The following VSTM2B variants were observed in gnomAD, a reference collection of about 807,000 sequenced individuals.
VSTM2B encodes V-set and transmembrane domain containing 2B, also known as V-set and transmembrane domain-containing protein 2B.
In VSTM2B, 24 loss-of-function variants were observed where a neutral mutation model predicts 24.0. That is an observed-to-expected ratio of 1.00 (90% CI 0.72 to 1.40). The LOEUF (loss-of-function observed/expected upper bound fraction) is 1.40. Ranked by LOEUF, VSTM2B falls within the 40% of genes most tolerant of loss-of-function variation. The pLI, the probability that VSTM2B is intolerant of heterozygous loss-of-function variation, is 0.00. For synonymous variants in VSTM2B, 226 were observed against 194.4 expected (o/e 1.16, Z -1.35); for missense variants, 399 against 416.4 (o/e 0.96, Z 0.36).
intron 4 of VSTM2B, among the ~76,000 whole-genome samples, chr19:29,545,590 G>A (rs1268711260): frequency 1.3e-5 from 2 of 152,306 alleles, no homozygotes; most frequent in East Asian, 3.9e-4. Flanking sequence ...GCCAGCCTGG[G>A]CGACAAGAGT....
At chr19:29,537,231 G>A (rs2145478430) in intron 4 of VSTM2B, among the ~76,000 whole-genome samples, 1 of 152,248 alleles carries the variant, frequency 6.6e-6, no homozygotes. Context: ...GTGCTTCTAG[G>A]GAAATTAGCC....
chr19:29,559,380 A>G (rs536632986), intron 4 of VSTM2B, among the ~76,000 whole-genome samples: 1 of 152,196 alleles, frequency 6.6e-6, no homozygotes, highest in Non-Finnish European at 1.5e-5. Flanking sequence ...CAAACACCAC[A>G]TGTTGTCATT....
At chr19:29,559,006 T>G (rs958361186) in intron 4 of VSTM2B, among the ~76,000 whole-genome samples, 2 of 152,248 alleles carry the variant, frequency 1.3e-5, no homozygotes, top group Non-Finnish European at 1.5e-5. Flanking sequence ...ACTTTTACAC[T>G]GTTGGTGGGA....
In VSTM2B at chr19:29,526,487, C is replaced by G. The variant is rs1969569623; in HGVS notation, c.-97C>G. On this transcript the variant is annotated 5_prime_UTR_variant, in exon 1 of 5. Coordinates refer to ENST00000335523, the MANE Select transcript of VSTM2B (RefSeq NM_001146339.2). The surrounding 1 kb of genome is among the most constrained non-coding windows in gnomAD (Gnocchi z 4.1). ...GCGCCGCGCGGGGCCATGGCAGGCT[C>G]GGAGGCGTCCTAGCCCGAGCCGGAG... 1 of 859,018 alleles carries G rather than the reference C, an allele frequency of 1.2e-6. No individual in the cohort carries two copies. The highest frequency in any genetic ancestry group is 1.6e-6 in the Non-Finnish European group (1 of 639,018). 53.2% of individuals were successfully genotyped at this position (859,018 alleles called of 1,614,324 possible).
In VSTM2B at chr19:29,529,821, C is replaced by T. The variant is rs773973987; in HGVS notation, c.300C>T (p.Thr100=). 6 of 1,549,022 alleles carry T rather than the reference C, an allele frequency of 3.9e-6. No individual in the cohort carries two copies. In the Admixed American group the frequency reaches 5.9e-5, roughly 15 times the overall value. Residue 100 remains threonine, a splice_region_variant and synonymous_variant, in exon 4 of 5, where the codon ACC becomes ACT. Transcript: ENST00000335523. Reference sequence around the variant, plus strand: ...CCTCTAACCCTGCTCTCTTGCAGACCGTACGCGTCCAGGGCAATGACATCT... The same window carrying T: ...CCTCTAACCCTGCTCTCTTGCAGACTGTACGCGTCCAGGGCAATGACATCT... ...VTNKDATKIS[T]VRVQGNDISH...
intron 4 of VSTM2B, among the ~76,000 whole-genome samples, chr19:29,532,694 T>C (rs1352750191): frequency 6.6e-6 from 1 of 152,230 alleles, no homozygotes; most frequent in Non-Finnish European, 1.5e-5. Flanking sequence ...CAGAGGGAGC[T>C]TGGTATGGAA....
intron 4 of VSTM2B, among the ~76,000 whole-genome samples, chr19:29,548,432 C>T (rs1441265729): frequency 6.6e-6 from 1 of 152,180 alleles, no homozygotes; most frequent in Admixed American, 6.5e-5. Flanking sequence ...CTTGCTTCTG[C>T]CCCAGTTACA....
intron 4 of VSTM2B, among the ~76,000 whole-genome samples, chr19:29,539,396 G>C (rs1317507045): frequency 6.6e-6 from 1 of 152,134 alleles, no homozygotes; most frequent in Non-Finnish European, 1.5e-5. Context: ...CTGGACAGCT[G>C]TGTCTCCAGG....
At position 29,554,693 on chromosome 19, in the gene VSTM2B, C is replaced by T. The variant is rs118185949; in HGVS notation, c.770-9153C>T. ...AGACCCACTTACATGCGAAGACACA[C>T]ATAAGCTCAAAATAAAGGGATAGAG... On this transcript the variant is annotated intron_variant, in intron 4 of 4. Coordinates refer to ENST00000335523, the MANE Select transcript of VSTM2B (RefSeq NM_001146339.2). 2.6e-4 allele frequency among the ~76,000 whole-genome samples: 40 copies of T among 152,284 alleles called. No individual in the cohort carries two copies. The East Asian group carries it at 7.3e-3, about 28-fold the overall frequency.
chr19:29,550,097 G>A (rs1568445090), intron 4 of VSTM2B, among the ~76,000 whole-genome samples: 1 of 152,220 alleles, frequency 6.6e-6, no homozygotes, highest in Non-Finnish European at 1.5e-5. Flanking sequence ...CCCTCAGCTT[G>A]GCTCTCTAAC....
rs1207679377 is a variant in VSTM2B at position 29,527,226 on chromosome 19, T to C, written c.98T>C (p.Val33Ala). ...CCACCCCCAGCTGCATTCACAGAAG[T>C]CCCCAAAGATGTGACAGTACGGGAG... is the stretch of plus-strand genomic sequence containing the variant. ...LFVADAAFTE[V>A]PKDVTVREGD... The change falls in exon 2 of 5, where the codon GTC becomes GCC. Residue 33 changes from valine (V) to alanine (A), a missense_variant. By Grantham distance (64) the Val-to-Ala change is moderately conservative (BLOSUM62 0). Transcript: ENST00000335523. 37 of 1,548,536 alleles carry C rather than the reference T, an allele frequency of 2.4e-5. No homozygotes were observed. The highest frequency in any genetic ancestry group is 3.2e-5 in the Non-Finnish European group (37 of 1,146,000).
At chr19:29,553,576 A>T (rs1345707529) in intron 4 of VSTM2B, among the ~76,000 whole-genome samples, 1 of 152,196 alleles carries the variant, frequency 6.6e-6, no homozygotes, top group Non-Finnish European at 1.5e-5. Flanking sequence ...CATCTCTCCA[A>T]CAAGAGCACA....
chr19:29,554,093 G>T (rs940697541), intron 4 of VSTM2B, among the ~76,000 whole-genome samples: 1 of 152,086 alleles, frequency 6.6e-6, no homozygotes, highest in African/African-American at 2.4e-5. Context: ...GATACTCCAT[G>T]AGAAGATCAA....
At chr19:29,562,877 G>A (rs938030104) in intron 4 of VSTM2B, among the ~76,000 whole-genome samples, 12 of 152,136 alleles carry the variant, frequency 7.9e-5, no homozygotes, top group Admixed American at 6.5e-4. Flanking sequence ...CAGGCCAGGG[G>A]CCAGGTTATG....
At chr19:29,532,008 A>G (rs1327669911) in intron 4 of VSTM2B, among the ~76,000 whole-genome samples, 3 of 152,194 alleles carry the variant, frequency 2.0e-5, no homozygotes, top group Non-Finnish European at 4.4e-5. Context: ...TTGTCAGCTC[A>G]CTGCCCTAAG....
At chr19:29,559,071 A>G (rs1294025321) in intron 4 of VSTM2B, among the ~76,000 whole-genome samples, 1 of 152,196 alleles carries the variant, frequency 6.6e-6, no homozygotes, top group Admixed American at 6.5e-5. Flanking sequence ...TCAAGGATCT[A>G]GAACCAGAAA....
intron 4 of VSTM2B, among the ~76,000 whole-genome samples, chr19:29,534,678 T>C (rs1462002852): frequency 6.7e-6 from 1 of 149,782 alleles, no homozygotes; most frequent in East Asian, 2.0e-4. Flanking sequence ...ATCGCGCCAT[T>C]GCACTCCAGC....
At position 29,530,032 on chromosome 19, in the gene VSTM2B, C is replaced by T. The variant is rs1388394816; in HGVS notation, c.511C>T (p.Pro171Ser). 1.3e-6 allele frequency: 2 copies of T among 1,529,306 alleles called. No individual in the cohort carries two copies. Among genetic ancestry groups the T allele is most frequent in the South Asian group, 2.4e-5 (2 of 82,832 alleles). 94.7% of individuals were successfully genotyped at this position (1,529,306 alleles called of 1,614,324 possible). A position where few individuals can be genotyped will look rare whatever the true frequency, so the allele number is the denominator to read the frequency against. ...EAVSHIQSSG[P>S]RRHGPASAAN... ...CGTGTCCCACATCCAGAGCAGCGGC[C>T]CGCGTCGCCACGGCCCAGCCAGCGC... Residue 171 changes from proline (P) to serine (S), a missense_variant, in exon 4 of 5, where the codon CCG becomes TCG. By Grantham distance (74) the Pro-to-Ser change is moderately conservative. Coordinates refer to ENST00000335523, the MANE Select transcript of VSTM2B (RefSeq NM_001146339.2).
upstream of VSTM2B, chr19:29,525,430 T>A (rs1969533001): frequency 2.3e-5 from 3 of 132,492 alleles, no homozygotes; most frequent in Non-Finnish European, 3.1e-5. Context: ...TCACGGCCGC[T>A]GCGGGCTGGC....
Sources: gnomAD v4.1 joint callset for allele counts (sites outside exome capture counted in the v4.1 genomes callset) on GRCh38, gnomAD v4.1.1 for gene constraint, Gnocchi (gnomAD v3.1) non-coding constraint, MANE v1.5 for transcripts, NCBI Gene and HGNC (gene_info 2026-07-23, HGNC 2026-07-21) for gene names.